Variants in LTBP1 observed in about 807,000 individuals in gnomAD.
LTBP1 encodes the protein latent-transforming growth factor beta-binding protein 1.
In LTBP1, 129 loss-of-function variants were observed where a neutral mutation model predicts 207.6. That is an observed-to-expected ratio of 0.62 (90% CI 0.54 to 0.72). The LOEUF (loss-of-function observed/expected upper bound fraction) is 0.72, where lower values mean the gene tolerates loss of function less well. LTBP1 is among the 30% of genes least tolerant of loss of function. LTBP1 has a pLI of 0.00. For synonymous variants in LTBP1, 963 were observed against 833.7 expected (o/e 1.16, Z -2.67); for missense variants, 2,281 against 2,217.2 (o/e 1.03, Z -0.58).
intron 31 of LTBP1, among the ~76,000 whole-genome samples, chr2:33,384,381 A>T (rs1360400416): frequency 6.6e-6 from 1 of 152,114 alleles, no homozygotes; most frequent in African/African-American, 2.4e-5. Flanking sequence ...CGCTTGGGGC[A>T]TGGGGAATGC....
chr2:33,103,420 G>A (rs2079859637), intron 3 of LTBP1, among the ~76,000 whole-genome samples: 1 of 152,202 alleles, frequency 6.6e-6, no homozygotes, highest in South Asian at 2.1e-4. Context: ...TGCATAGTTT[G>A]TATGCTGTAT....
intron 2 of LTBP1, among the ~76,000 whole-genome samples, chr2:32,993,649 T>C (rs2148883285): frequency 6.6e-6 from 1 of 152,338 alleles, no homozygotes; most frequent in Non-Finnish European, 1.5e-5. Flanking sequence ...GCTTTTGTTT[T>C]ACTGAAGGCC....
At chr2:33,123,624 A>G (rs1328801028) in intron 4 of LTBP1, among the ~76,000 whole-genome samples, 4 of 152,234 alleles carry the variant, frequency 2.6e-5, no homozygotes, top group Non-Finnish European at 5.9e-5. Context: ...ACTCTGAGCA[A>G]GAAAATACAA....
chr2:33,336,728 C>A (rs1436898124), intron 24 of LTBP1, among the ~76,000 whole-genome samples: 1 of 151,948 alleles, frequency 6.6e-6, no homozygotes. Flanking sequence ...ACGTTTTGCT[C>A]AGAATAAGGA....
chr2:32,954,321 G>A (rs993499575), intron 2 of LTBP1, among the ~76,000 whole-genome samples: 2 of 152,186 alleles, frequency 1.3e-5, no homozygotes, highest in African/African-American at 2.4e-5. Flanking sequence ...GACTTAGAAC[G>A]ATAGAAATGT....
intron 4 of LTBP1, among the ~76,000 whole-genome samples, chr2:33,118,844 C>T (rs571221538): frequency 2.6e-5 from 4 of 152,218 alleles, no homozygotes; most frequent in South Asian, 4.1e-4. Context: ...GGAAGCCGTA[C>T]GAACATGATT....
chr2:33,348,148 T>G (rs896581804), intron 26 of LTBP1, among the ~76,000 whole-genome samples: 13 of 152,174 alleles, frequency 8.5e-5, no homozygotes, highest in Admixed American at 7.9e-4. Context: ...TGGTTGTATT[T>G]TAGGGAAAGC....
intron 7 of LTBP1, among the ~76,000 whole-genome samples, chr2:33,208,379 C>G (rs2090033375): frequency 1.3e-5 from 2 of 152,164 alleles, no homozygotes; most frequent in Non-Finnish European, 2.9e-5. Context: ...ATTATAGCTA[C>G]CCAATATAAT....
At chr2:33,012,431 C>T (rs895789308) in intron 2 of LTBP1, among the ~76,000 whole-genome samples, 2 of 152,230 alleles carry the variant, frequency 1.3e-5, no homozygotes, top group Non-Finnish European at 2.9e-5. Context: ...AGGAAACAAA[C>T]CATTTCTAAG....
intron 10 of LTBP1, 89 bp downstream of exon 10, chr2:33,243,873 A>G (rs2092421674): frequency 2.8e-6 from 4 of 1,404,534 alleles, no homozygotes; most frequent in Non-Finnish European, 3.0e-6. Context: ...GGCCAACTGA[A>G]TGCTTGTAAA....
At chr2:33,182,795 A>G (rs1330576211) in intron 5 of LTBP1, among the ~76,000 whole-genome samples, 1 of 148,586 alleles carries the variant, frequency 6.7e-6, no homozygotes, top group Non-Finnish European at 1.5e-5. Flanking sequence ...GTATAGATTG[A>G]TTATAGGGAG....
intron 4 of LTBP1, among the ~76,000 whole-genome samples, chr2:33,127,967 G>A (rs1046775252): frequency 8.5e-5 from 13 of 152,064 alleles, no homozygotes; most frequent in African/African-American, 3.1e-4. Context: ...GTAGGAAAGG[G>A]GCTTACTTTC....
In LTBP1 at chr2:33,110,700, G is replaced by T; in HGVS notation, c.982G>T (p.Gly328Cys). 6.2e-7 allele frequency: 1 copy of T among 1,614,186 alleles called. No individual in the cohort carries two copies. Among genetic ancestry groups the T allele is most frequent in the Non-Finnish European group, 8.5e-7 (1 of 1,180,022 alleles). ...GATTTCAGGAGAGCAGTCCACTGAA[G>T]GTTCTTTCCCTTTAAGATATGTGCA... ...KGISGEQSTE[G>C]SFPLRYVQDQ... The change falls in exon 4 of 34, where the codon GGT (glycine) becomes TGT (cysteine). Residue 328 changes from glycine to cysteine, a missense_variant. Coordinates refer to ENST00000404816, the MANE Select transcript of LTBP1 (RefSeq NM_206943.4).
At chr2:33,314,807 G>T (rs1001953838) in intron 23 of LTBP1, among the ~76,000 whole-genome samples, 4 of 152,186 alleles carry the variant, frequency 2.6e-5, no homozygotes, top group African/African-American at 7.2e-5. Flanking sequence ...GGCAAAGAAG[G>T]ACAGCATTCT....
At chr2:32,964,065 G>C (rs1267341805) in intron 2 of LTBP1, among the ~76,000 whole-genome samples, 1 of 152,218 alleles carries the variant, frequency 6.6e-6, no homozygotes, top group African/African-American at 2.4e-5. Flanking sequence ...AATTGGCAGG[G>C]ATTGTGCTTC....
At chr2:33,111,443 CA>C (rs2080395726) in intron 4 of LTBP1, among the ~76,000 whole-genome samples, 2 of 152,192 alleles carry the variant, frequency 1.3e-5, no homozygotes, top group African/African-American at 4.8e-5. Context: ...CTCGTTCCAG[CA>C]GCTTCCTGCC....
intron 3 of LTBP1, among the ~76,000 whole-genome samples, chr2:33,033,169 T>C (rs1363436057): frequency 6.6e-6 from 1 of 152,200 alleles, no homozygotes; most frequent in Non-Finnish European, 1.5e-5. Context: ...TTAGTTTCAA[T>C]GAATAATTGA....
chr2:33,325,706 G>A (rs1282398441), intron 24 of LTBP1, among the ~76,000 whole-genome samples: 1 of 152,168 alleles, frequency 6.6e-6, no homozygotes, highest in Non-Finnish European at 1.5e-5. Flanking sequence ...ATTTACAAAT[G>A]AAGTTAAGAT....
In LTBP1 at chr2:33,350,251, C is replaced by T. The variant is rs1044754132; in HGVS notation, c.4000+2741C>T. 5.9e-4 allele frequency among the ~76,000 whole-genome samples: 89 copies of T among 152,136 alleles called. 2 individuals are homozygous for T. Among genetic ancestry groups the T allele is most frequent in the African/African-American group, 1.9e-3 (77 of 41,438 alleles). ...ATCACATTTTTATTCAGCTATAAAA[C>T]TCCCCCAGGACAATCTATATTCCAA... On this transcript the variant is annotated intron_variant, in intron 26 of 33. Coordinates refer to ENST00000404816, the MANE Select transcript of LTBP1 (RefSeq NM_206943.4).
Sources: gnomAD v4.1 joint callset for allele counts (sites outside exome capture counted in the v4.1 genomes callset) on GRCh38, gnomAD v4.1.1 for gene constraint, MANE v1.5 for transcripts, NCBI Gene and HGNC (gene_info 2026-07-23, HGNC 2026-07-21) for gene names.